Variants in RFX4 observed in about 807,000 individuals in gnomAD.
The protein encoded by RFX4 is regulatory factor X4.
A neutral mutation model predicts 95.0 loss-of-function variants in RFX4; 10 were observed. The ratio of observed to expected loss-of-function variants is 0.11; its 90% confidence interval spans 0.06 to 0.18. The LOEUF is 0.18. RFX4 is among the 10% of genes least tolerant of loss of function. The pLI, the probability that RFX4 is intolerant of heterozygous loss-of-function variation, is 1.00. For synonymous variants in RFX4, 321 were observed against 340.7 expected, an observed-to-expected ratio of 0.94 and a Z score of 0.64; for missense variants, 640 against 922.0, an observed-to-expected ratio of 0.69 and a Z score of 3.96.
At chr12:106,597,876 G>A (rs572808710) in intron 1 of RFX4, among the ~76,000 whole-genome samples, 1 of 152,070 alleles carries the variant, frequency 6.6e-6, no homozygotes, top group Non-Finnish European at 1.5e-5. Context: ...AAGGTGGTTG[G>A]GATGGGGGTG....
chr12:106,739,706 T>C (rs957020055), intron 15 of RFX4, among the ~76,000 whole-genome samples: 5 of 152,192 alleles, frequency 3.3e-5, no homozygotes, highest in African/African-American at 1.2e-4. Context: ...TTTACGGCAA[T>C]GTCATGATAA....
intron 13 of RFX4, among the ~76,000 whole-genome samples, chr12:106,721,844 C>T (rs1384468256): frequency 6.6e-6 from 1 of 152,178 alleles, no homozygotes; most frequent in Non-Finnish European, 1.5e-5. Flanking sequence ...TTCCATCTAG[C>T]TTTTTATGGT....
chr12:106,707,669 G>A (rs2042110915), intron 8 of RFX4, among the ~76,000 whole-genome samples: 1 of 152,110 alleles, frequency 6.6e-6, no homozygotes, highest in Non-Finnish European at 1.5e-5. Flanking sequence ...GGGGTGAGGA[G>A]GGAATGGGAG....
At chr12:106,664,680 T>A (rs2041139688) in intron 4 of RFX4, among the ~76,000 whole-genome samples, 1 of 151,854 alleles carries the variant, frequency 6.6e-6, no homozygotes, top group African/African-American at 2.4e-5. Flanking sequence ...ATGCATTCAG[T>A]GTGATAAATT....
intron 2 of RFX4, among the ~76,000 whole-genome samples, chr12:106,634,901 T>C (rs905186217): frequency 6.6e-6 from 1 of 152,254 alleles, no homozygotes; most frequent in Non-Finnish European, 1.5e-5. Context: ...GCTGAATTTG[T>C]CCTCTCTCTC....
At chr12:106,716,423 G>T (rs948660195) in intron 11 of RFX4, among the ~76,000 whole-genome samples, 4 of 151,950 alleles carry the variant, frequency 2.6e-5, no homozygotes, top group African/African-American at 9.7e-5. Flanking sequence ...AGGCCCTTCA[G>T]ATTTCTTAGT....
chr12:106,628,184 T>A (rs942977667), intron 2 of RFX4, among the ~76,000 whole-genome samples: 3 of 152,154 alleles, frequency 2.0e-5, no homozygotes, highest in Non-Finnish European at 4.4e-5. Flanking sequence ...ATCTGTCCTC[T>A]CTTCACCAGC....
At chr12:106,724,223 A>G (rs944707797) in intron 13 of RFX4, among the ~76,000 whole-genome samples, 3 of 152,224 alleles carry the variant, frequency 2.0e-5, no homozygotes, top group Non-Finnish European at 4.4e-5. Flanking sequence ...AGCACATACT[A>G]TCATTGAATT....
chr12:106,600,312 C>T (rs886997916), intron 1 of RFX4, among the ~76,000 whole-genome samples: 5 of 152,180 alleles, frequency 3.3e-5, no homozygotes, highest in African/African-American at 7.2e-5. Flanking sequence ...TTCATGCCTT[C>T]GCATTCTTTA....
chr12:106,646,848 C>T (rs896093148), intron 3 of RFX4, among the ~76,000 whole-genome samples: 1 of 152,212 alleles, frequency 6.6e-6, no homozygotes, highest in Admixed American at 6.5e-5. Flanking sequence ...AAATCCTCAA[C>T]AACAAGGAAG....
chr12:106,717,033 G>A (rs1287694455), intron 11 of RFX4, among the ~76,000 whole-genome samples: 1 of 150,994 alleles, frequency 6.6e-6, no homozygotes, highest in African/African-American at 2.4e-5. Context: ...GGAAATATGG[G>A]TGAGTTTTAG....
intron 3 of RFX4, among the ~76,000 whole-genome samples, chr12:106,644,614 G>A (rs1448602269): frequency 6.6e-6 from 1 of 152,076 alleles, no homozygotes; most frequent in Non-Finnish European, 1.5e-5. Context: ...GAACATCTTC[G>A]TGTGTGCCCC....
chr12:106,599,870 CT>C (rs2039675322), intron 1 of RFX4, among the ~76,000 whole-genome samples: 1 of 152,032 alleles, frequency 6.6e-6, no homozygotes, highest in Non-Finnish European at 1.5e-5. Flanking sequence ...GCTTTTCAAT[CT>C]CAAAATGTTC....
At chr12:106,633,541 T>C (rs1365388544) in intron 2 of RFX4, among the ~76,000 whole-genome samples, 1 of 152,210 alleles carries the variant, frequency 6.6e-6, no homozygotes, top group African/African-American at 2.4e-5. Flanking sequence ...TAACATATTA[T>C]ATTTAATCCT....
At position 106,690,779 on chromosome 12, in the gene RFX4, C is replaced by T. The variant is rs189576484; in HGVS notation, c.669+1415C>T. The stretch of plus-strand genomic sequence containing the variant: ...GTCCCACGGCCCCACCTTAATGCAG[C>T]GGGGGCTGGGGAGTGTGGTCCCTCA... On this transcript the variant is annotated intron_variant, in intron 7 of 17. Coordinates refer to ENST00000392842, the MANE Select transcript of RFX4 (RefSeq NM_213594.3). 5.9e-5 allele frequency among the ~76,000 whole-genome samples: 9 copies of T among 152,306 alleles called. No homozygotes were observed. The East Asian group carries it at 1.5e-3, about 26-fold the overall frequency.
At chr12:106,604,866 C>T (rs1282634890) in intron 1 of RFX4, among the ~76,000 whole-genome samples, 5 of 152,202 alleles carry the variant, frequency 3.3e-5, no homozygotes, top group African/African-American at 7.2e-5. Flanking sequence ...AAAAATGCTG[C>T]AGAATTGGCA....
chr12:106,719,295 G>C (rs929948196), intron 11 of RFX4, among the ~76,000 whole-genome samples: 6 of 152,312 alleles, frequency 3.9e-5, no homozygotes, highest in African/African-American at 1.4e-4. Flanking sequence ...ATGCCACACA[G>C]AGAGGCTGCT....
At chr12:106,589,166 G>A (rs1335690857) in intron 1 of RFX4, among the ~76,000 whole-genome samples, 35 of 152,158 alleles carry the variant, frequency 2.3e-4, no homozygotes, top group Admixed American at 2.3e-3. Context: ...TTAAGGTTTA[G>A]GGGAGAGAGA....
chr12:106,752,858 C>G (rs1487380530), intron 17 of RFX4, among the ~76,000 whole-genome samples: 2 of 152,118 alleles, frequency 1.3e-5, no homozygotes, highest in Non-Finnish European at 1.5e-5. Context: ...GACACTCTAC[C>G]TGTCTAACAC....
Sources: gnomAD v4.1 joint callset for allele counts (sites outside exome capture counted in the v4.1 genomes callset) on GRCh38, gnomAD v4.1.1 for gene constraint, MANE v1.5 for transcripts, NCBI Gene and HGNC (gene_info 2026-07-23, HGNC 2026-07-21) for gene names.